Variants in CRLF3 observed in about 807,000 individuals in gnomAD.
CRLF3 encodes the protein cytokine receptor like factor 3.
In CRLF3, 33 loss-of-function variants were observed where a neutral mutation model predicts 55.0. The ratio of observed to expected loss-of-function variants is 0.60; its 90% CI spans 0.46 to 0.80. The LOEUF (loss-of-function observed/expected upper bound fraction) is 0.80, where lower values mean the gene tolerates loss of function less well. Among genes scored for constraint, CRLF3 ranks in the 30% least tolerant of loss-of-function variants. CRLF3 has a pLI of 0.00. For missense variants in CRLF3, 494 were observed against 538.4 expected (o/e 0.92, Z 0.82); for synonymous variants, 238 against 196.8 (o/e 1.21, Z -1.75).
intron 6 of CRLF3, among the ~76,000 whole-genome samples, chr17:30,791,164 G>A (rs1055545840): frequency 2.0e-5 from 3 of 152,000 alleles, no homozygotes; most frequent in East Asian, 3.9e-4. Context: ...TTTGCCTCCC[G>A]GGTTCAAGTG....
intron 1 of CRLF3, among the ~76,000 whole-genome samples, chr17:30,819,683 G>C (rs1904929417): frequency 6.6e-6 from 1 of 152,132 alleles, no homozygotes; most frequent in South Asian, 2.1e-4. Context: ...TCACCATATT[G>C]GCCAGGCTGG....
In CRLF3 at chr17:30,791,188, A is replaced by T. The variant is rs550307699; in HGVS notation, c.959+1252T>A. Among the ~76,000 whole-genome samples, 33 of 150,858 alleles carry T rather than the reference A, an allele frequency of 2.2e-4. 1 individual carries two copies. The highest frequency in any genetic ancestry group is 7.6e-4 in the African/African-American group (31 of 41,050). Reference sequence around the variant, plus strand: ...CGGGTTCAAGTGATTCTCCTGCCTCACTCTCCCTAGTTGCTGGGATTACAG... The same window carrying T: ...CGGGTTCAAGTGATTCTCCTGCCTCTCTCTCCCTAGTTGCTGGGATTACAG... On this transcript the variant is annotated intron_variant, in intron 6 of 7. Transcript: ENST00000324238.
intron 1 of CRLF3, among the ~76,000 whole-genome samples, chr17:30,823,782 A>C (rs2142279845): frequency 6.6e-6 from 1 of 152,164 alleles, no homozygotes; most frequent in African/African-American, 2.4e-5. Context: ...AATTATATTT[A>C]GCTTTTCCTT....
chr17:30,804,023 T>G lies in CRLF3; in HGVS notation c.215A>C (p.Glu72Ala), dbSNP rs775384003. The G allele has an allele frequency of 1.2e-6, 2 of 1,613,598 alleles. No individual in the cohort carries two copies. ...CTCTTGCAAAAGGGTCACCAATCGC[T>G]CATCCAGGAGCTTTCCAAGGGTTCC... ...LKGTLGKLLD[E>A]RLVTLLQEVD... Residue 72 changes from glutamate to alanine, a missense_variant, in exon 2 of 8, where the codon GAG (glutamate) becomes GCG (alanine). Glu to Ala is a moderately radical substitution (Grantham distance 107). Transcript: ENST00000324238.
At chr17:30,795,343 C>T (rs1287095722) in intron 4 of CRLF3, among the ~76,000 whole-genome samples, 2 of 150,994 alleles carry the variant, frequency 1.3e-5, no homozygotes, top group African/African-American at 2.4e-5. Context: ...ACTAAAAATA[C>T]AAACTTAGCC....
At chr17:30,805,970 C>T (rs1022507743) in intron 1 of CRLF3, among the ~76,000 whole-genome samples, 2 of 152,142 alleles carry the variant, frequency 1.3e-5, no homozygotes, top group Non-Finnish European at 2.9e-5. Flanking sequence ...CTGCAGTAAG[C>T]TGTGACTGCA....
chr17:30,815,491 G>A (rs1226974540), intron 1 of CRLF3, among the ~76,000 whole-genome samples: 2 of 150,232 alleles, frequency 1.3e-5, no homozygotes, highest in African/African-American at 4.9e-5. Context: ...CAAAGTGCTG[G>A]TATTACAGGA....
chr17:30,804,831 G>T (rs986953660), intron 1 of CRLF3, among the ~76,000 whole-genome samples: 1 of 152,128 alleles, frequency 6.6e-6, no homozygotes, highest in African/African-American at 2.4e-5. Flanking sequence ...ATGTCAATTT[G>T]GTTAAGTTAA....
Position 30,824,691 on chromosome 17 carries a change from C to A in CRLF3, c.-40G>T. The A allele has an allele frequency of 6.5e-7, 1 of 1,547,334 alleles. No homozygotes were observed. Among genetic ancestry groups the A allele is most frequent in the East Asian group, 2.5e-5 (1 of 39,810 alleles). On this transcript the variant is annotated 5_prime_UTR_variant, in exon 1 of 8. Transcript: ENST00000324238. ...GGCGAAACCTAGCGCGGGTTCCCGA[C>A]TGCACCGGGCGCCTCCAAGCGGCCC...
At chr17:30,799,469 C>T (rs577039516) in intron 2 of CRLF3, among the ~76,000 whole-genome samples, 2 of 152,130 alleles carry the variant, frequency 1.3e-5, no homozygotes, top group East Asian at 1.9e-4. Flanking sequence ...GGGGATCCTC[C>T]CGCCTCAGCC....
rs542968763 is a variant in CRLF3 at position 30,786,332 on chromosome 17, C to T, written c.960-301G>A. 21 of 201,290 alleles carry T rather than the reference C, an allele frequency of 1.0e-4. No individual in the cohort carries two copies. In the South Asian group the frequency reaches 2.0e-3, roughly 19 times the overall value. The allele number at this position is 201,290 out of a possible 1,614,324, so 12.5% of individuals were successfully genotyped here. On this transcript the variant is annotated intron_variant, in intron 6 of 7. Transcript: ENST00000324238. ...TTGGCTCACTGCAACCTCCGCCTCC[C>T]GGGTTCAAGCAGTTCTCTGCTTCAG...
chr17:30,798,374 T>TC (rs758830034), intron 2 of CRLF3, among the ~76,000 whole-genome samples: 11 of 144,588 alleles, frequency 7.6e-5, no homozygotes, highest in South Asian at 4.7e-4. Context: ...CGAGACTCCG[T>TC]CCCCCCCGCC....
chr17:30,792,356 A>G, intron 6 of CRLF3, 84 bp downstream of exon 6: 1 of 1,269,470 alleles, frequency 7.9e-7, no homozygotes, highest in East Asian at 2.4e-5. Context: ...TAAACTCAGG[A>G]TGTTTTGAAT....
At chr17:30,807,890 A>C (rs901162072) in intron 1 of CRLF3, among the ~76,000 whole-genome samples, 1 of 152,142 alleles carries the variant, frequency 6.6e-6, no homozygotes, top group South Asian at 2.1e-4. Flanking sequence ...AATTCTTTAA[A>C]TCACAAAGAG....
intron 2 of CRLF3, among the ~76,000 whole-genome samples, chr17:30,802,488 T>C (rs901126490): frequency 5.9e-5 from 9 of 151,934 alleles, no homozygotes; most frequent in African/African-American, 1.5e-4. Context: ...TGGAGTGCAG[T>C]GGTGCAATCA....
chr17:30,788,350 A>AAAACG (rs1971699223), intron 6 of CRLF3, among the ~76,000 whole-genome samples: 1 of 147,706 alleles, frequency 6.8e-6, no homozygotes, highest in African/African-American at 2.5e-5. Context: ...AAAAGAAAAG[A>AAAACG]AAAGAAAGAA....
Position 30,784,247 on chromosome 17 carries a change from A to G in CRLF3, c.1269T>C (p.Cys423=), listed in dbSNP as rs1567655444. 1.9e-6 allele frequency: 3 copies of G among 1,613,718 alleles called. No homozygotes were observed. Among genetic ancestry groups the G allele is most frequent in the South Asian group, 2.2e-5 (2 of 91,074 alleles). Reference sequence around the variant, plus strand: ...ATGAGCATCCAAAGTAAAGAGAACCACAAGACTGATCAAGTAACCAGTCAA... The same window carrying G: ...ATGAGCATCCAAAGTAAAGAGAACCGCAAGACTGATCAAGTAACCAGTCAA... ...VVFDWLLDQS[C]GSLYFGCSFF... Residue 423 remains cysteine (C), a synonymous_variant, in exon 8 of 8, where the codon TGT becomes TGC. Transcript: ENST00000324238.
intron 7 of CRLF3, 33 bp from the exon 8 acceptor site, chr17:30,784,476 T>C (rs1386833561): frequency 1.3e-6 from 2 of 1,571,152 alleles, no homozygotes; most frequent in Admixed American, 1.7e-5. Context: ...CATTTACATG[T>C]GAGCAATAAC....
At chr17:30,806,059 A>T (rs748672698) in intron 1 of CRLF3, among the ~76,000 whole-genome samples, 5 of 152,094 alleles carry the variant, frequency 3.3e-5, no homozygotes, top group Non-Finnish European at 7.4e-5. Context: ...AAACAAACAA[A>T]CAAACAAAAA....
Sources: allele counts gnomAD v4.1 joint callset (sites outside exome capture counted in the v4.1 genomes callset), GRCh38; gene constraint gnomAD v4.1.1; transcripts MANE v1.5; gene names NCBI Gene and HGNC (gene_info 2026-07-23, HGNC 2026-07-21).